Variants in TMEM117 observed in about 807,000 individuals in gnomAD.
TMEM117 encodes the protein transmembrane protein 117.
Under a neutral mutation model 52.4 loss-of-function variants are expected in TMEM117, and 27 were observed. The ratio of observed to expected loss-of-function variants is 0.51; its 90% confidence interval spans 0.38 to 0.71. The LOEUF is 0.71. Among genes scored for constraint, TMEM117 ranks in the 30% least tolerant of loss-of-function variants. The pLI is 0.00. For missense variants in TMEM117, 556 were observed against 630.5 expected, an observed-to-expected ratio of 0.88 and a Z score of 1.26; for synonymous variants, 215 against 206.3, an observed-to-expected ratio of 1.04 and a Z score of -0.36.
At chr12:44,192,891 A>G (rs1039306338) in intron 4 of TMEM117, among the ~76,000 whole-genome samples, 1 of 152,184 alleles carries the variant, frequency 6.6e-6, no homozygotes, top group Non-Finnish European at 1.5e-5. Context: ...TATGTTAATT[A>G]GTTGTCAATA....
At chr12:44,250,807 AG>A (rs1264558217) in intron 5 of TMEM117, among the ~76,000 whole-genome samples, 4 of 152,064 alleles carry the variant, frequency 2.6e-5, no homozygotes, top group Non-Finnish European at 2.9e-5. Flanking sequence ...ATGGACACAG[AG>A]GGGAACAACA....
intron 4 of TMEM117, among the ~76,000 whole-genome samples, chr12:44,155,735 G>A (rs994319392): frequency 2.0e-5 from 3 of 152,060 alleles, no homozygotes; most frequent in African/African-American, 7.2e-5. Flanking sequence ...TTAAAATTCA[G>A]TTTACAACAA....
At position 44,318,651 on chromosome 12, in the gene TMEM117, A is replaced by T. The variant is rs947484348; in HGVS notation, c.768+18912A>T. 1.3e-4 allele frequency among the ~76,000 whole-genome samples: 20 copies of T among 152,022 alleles called. 1 individual carries two copies. The highest frequency in any genetic ancestry group is 1.2e-3 in the Admixed American group (18 of 15,276). ...AGAGCAGGTGTTCTCAATGGCCAGA[A>T]ATCTGCCAGGGTATGGAGCAGAGAG... is the stretch of plus-strand genomic sequence containing the variant. On this transcript the variant is annotated intron_variant, in intron 6 of 7. Transcript: ENST00000266534.
At chr12:43,798,260 T>C in the TMEM117 span, among the ~76,000 whole-genome samples, 3 of 152,018 alleles carry the variant, frequency 2.0e-5, no homozygotes, top group African/African-American at 7.2e-5. Context: ...TTGAAAGGAG[T>C]ACAAACAGTG....
intron 3 of TMEM117, among the ~76,000 whole-genome samples, chr12:44,136,284 T>C (rs1770958198): frequency 6.6e-6 from 1 of 152,164 alleles, no homozygotes; most frequent in South Asian, 2.1e-4. Context: ...AAATGAAGTC[T>C]CTTTGTTGTA....
intron 4 of TMEM117, among the ~76,000 whole-genome samples, chr12:44,207,197 A>G (rs1421934848): frequency 1.3e-5 from 2 of 152,174 alleles, no homozygotes; most frequent in Non-Finnish European, 2.9e-5. Flanking sequence ...TACTCCACCA[A>G]TTAGTGGCTA....
At chr12:44,216,295 C>T (rs951121103) in intron 5 of TMEM117, among the ~76,000 whole-genome samples, 3 of 152,192 alleles carry the variant, frequency 2.0e-5, no homozygotes, top group African/African-American at 2.4e-5. Flanking sequence ...CATGAGCCAC[C>T]ACTCTCAGCC....
chr12:44,047,239 T>C (rs1031056819), intron 3 of TMEM117, among the ~76,000 whole-genome samples: 133 of 150,176 alleles, frequency 8.9e-4, no homozygotes, highest in African/African-American at 3.2e-3. Context: ...GATTCTGTTA[T>C]TTTTTGCTCT....
chr12:43,916,486 T>C (rs1387351898), intron 2 of TMEM117, among the ~76,000 whole-genome samples: 1 of 152,220 alleles, frequency 6.6e-6, no homozygotes, highest in African/African-American at 2.4e-5. Flanking sequence ...TTATTAAATA[T>C]CATGTATAAG....
intron 3 of TMEM117, among the ~76,000 whole-genome samples, chr12:43,957,870 G>A (rs934573649): frequency 6.6e-6 from 1 of 152,198 alleles, no homozygotes; most frequent in Non-Finnish European, 1.5e-5. Context: ...AAGGAAGGAA[G>A]TGGTGGGGGA....
At chr12:44,082,478 A>G (rs1947497628) in intron 3 of TMEM117, among the ~76,000 whole-genome samples, 1 of 148,592 alleles carries the variant, frequency 6.7e-6, no homozygotes, top group South Asian at 2.1e-4. Flanking sequence ...TTTATCATAA[A>G]CAAAACAGTA....
At chr12:44,254,011 C>CA (rs199912435) in intron 5 of TMEM117, among the ~76,000 whole-genome samples, 12,078 of 89,932 alleles carry the variant, frequency 0.13, 1,014 homozygotes, top group African/African-American at 0.27. Flanking sequence ...CTCATTTGAC[C>CA]AAAAAAAAAA....
At chr12:44,294,515 G>A (rs1950743740) in intron 5 of TMEM117, among the ~76,000 whole-genome samples, 1 of 152,146 alleles carries the variant, frequency 6.6e-6, no homozygotes, top group African/African-American at 2.4e-5. Context: ...TTCATGGGTA[G>A]AAGATTTGTT....
intron 3 of TMEM117, among the ~76,000 whole-genome samples, chr12:44,132,489 T>A (rs1343371036): frequency 2.6e-5 from 4 of 152,118 alleles, no homozygotes; most frequent in Non-Finnish European, 5.9e-5. Flanking sequence ...TTCTCTTTCA[T>A]TCCTCTTCTC....
At position 44,298,790 on chromosome 12, in the gene TMEM117, G is replaced by A. The variant is rs893561375; in HGVS notation, c.609-790G>A. On this transcript the variant is annotated intron_variant, in intron 5 of 7. Transcript: ENST00000266534. ...GATGATATATGTCCTATGAGAACAG[G>A]CTACATTATTGGCTTTTAGAGGTGG... is the stretch of plus-strand genomic sequence containing the variant. Among the ~76,000 whole-genome samples, 4 of 150,782 alleles carry A rather than the reference G, an allele frequency of 2.7e-5. 1 individual carries two copies. The highest frequency in any genetic ancestry group is 7.5e-5 in the African/African-American group (3 of 40,104).
At chr12:44,188,565 CT>C (rs2138336015) in intron 4 of TMEM117, among the ~76,000 whole-genome samples, 1 of 152,188 alleles carries the variant, frequency 6.6e-6, no homozygotes, top group African/African-American at 2.4e-5. Context: ...AATCAACGCA[CT>C]TTAGTAACAA....
At chr12:43,974,324 A>C (rs1477031024) in intron 3 of TMEM117, among the ~76,000 whole-genome samples, 1 of 152,166 alleles carries the variant, frequency 6.6e-6, no homozygotes, top group Non-Finnish European at 1.5e-5. Flanking sequence ...AAAGGCTTTT[A>C]AGTATTATAA....
intron 3 of TMEM117, among the ~76,000 whole-genome samples, chr12:43,957,737 C>A (rs1384291102): frequency 6.6e-6 from 1 of 152,176 alleles, no homozygotes; most frequent in East Asian, 1.9e-4. Flanking sequence ...AGTTGTCTTT[C>A]TGAATAATTT....
chr12:43,831,787 C>G (rs1401346032), upstream of TMEM117, among the ~76,000 whole-genome samples: 3 of 152,042 alleles, frequency 2.0e-5, no homozygotes, highest in Admixed American at 6.6e-5. Flanking sequence ...TGTGATCTGC[C>G]CACCTCAGCT....
Sources: gnomAD v4.1 joint callset for allele counts (sites outside exome capture counted in the v4.1 genomes callset) on GRCh38, gnomAD v4.1.1 for gene constraint, MANE v1.5 for transcripts, NCBI Gene and HGNC (gene_info 2026-07-23, HGNC 2026-07-21) for gene names.